The following ENOX1 variants were observed in gnomAD, a reference collection of about 807,000 sequenced individuals.
ENOX1 encodes candidate growth-related and time keeping constitutive hydroquinone (NADH) oxidase.
Under a neutral mutation model 82.5 loss-of-function variants are expected in ENOX1, and 42 were observed. The observed-to-expected ratio is 0.51, with a 90% CI of 0.40 to 0.66. ENOX1 has a LOEUF of 0.66. ENOX1 is among the 30% of genes least tolerant of loss of function. The pLI, the probability that ENOX1 is intolerant of heterozygous loss-of-function variation, is 0.00. For synonymous variants in ENOX1, 271 were observed against 282.2 expected (o/e 0.96, Z 0.40); for missense variants, 608 against 811.6 (o/e 0.75, Z 3.05).
intron 2 of ENOX1, among the ~76,000 whole-genome samples, chr13:43,554,097 A>C (rs2079329509): frequency 1.3e-5 from 2 of 152,184 alleles, no homozygotes; most frequent in Admixed American, 6.5e-5. Flanking sequence ...ACTTGGGGAA[A>C]ACATAAATAA....
intron 2 of ENOX1, among the ~76,000 whole-genome samples, chr13:43,505,612 T>C (rs899114192): frequency 3.9e-5 from 6 of 151,948 alleles, no homozygotes; most frequent in Admixed American, 6.6e-5. Flanking sequence ...GTTTTTTTCT[T>C]GTAAATTTGT....
intron 1 of ENOX1, among the ~76,000 whole-genome samples, chr13:43,749,157 T>A (rs1403637637): frequency 6.6e-6 from 1 of 152,114 alleles, no homozygotes; most frequent in Non-Finnish European, 1.5e-5. Context: ...TACACAGGAG[T>A]CTTTCTTCCT....
chr13:43,566,777 T>TA, intron 2 of ENOX1, among the ~76,000 whole-genome samples: 1 of 152,096 alleles, frequency 6.6e-6, no homozygotes, highest in South Asian at 2.1e-4. Flanking sequence ...TCGAAAAATT[T>TA]AATAATTTAC....
At chr13:43,492,320 G>A (rs1396468186) in intron 2 of ENOX1, among the ~76,000 whole-genome samples, 1 of 152,168 alleles carries the variant, frequency 6.6e-6, no homozygotes, top group Non-Finnish European at 1.5e-5. Context: ...TGCTTTGACT[G>A]AAGCCTTGTG....
At chr13:43,536,540 A>C (rs1008345273) in intron 2 of ENOX1, among the ~76,000 whole-genome samples, 21 of 123,312 alleles carry the variant, frequency 1.7e-4, no homozygotes, top group Admixed American at 5.7e-4. Flanking sequence ...TTTAGGAAGC[A>C]GGGAGTTTCA....
intron 5 of ENOX1, among the ~76,000 whole-genome samples, chr13:43,362,000 CAA>C (rs2153560714): frequency 6.8e-6 from 1 of 146,004 alleles, no homozygotes; most frequent in African/African-American, 2.5e-5. Context: ...AAAAGCAAAA[CAA>C]AGAGTGATTA....
At chr13:43,590,281 A>G (rs1299883983) in intron 2 of ENOX1, among the ~76,000 whole-genome samples, 2 of 151,800 alleles carry the variant, frequency 1.3e-5, no homozygotes, top group African/African-American at 4.9e-5. Flanking sequence ...AAAGACTTGA[A>G]GGAGCAACCC....
chr13:43,473,261 A>G (rs1334213019), intron 3 of ENOX1, among the ~76,000 whole-genome samples: 1 of 152,224 alleles, frequency 6.6e-6, no homozygotes, highest in Non-Finnish European at 1.5e-5. Context: ...CTAAGAAACT[A>G]TGACTAATGG....
intron 1 of ENOX1, among the ~76,000 whole-genome samples, chr13:43,718,676 C>CAAAAAAAAAA (rs61671392): frequency 4.3e-4 from 24 of 55,588 alleles, no homozygotes; most frequent in African/African-American, 1.2e-3. Flanking sequence ...GACTCCGTCT[C>CAAAAAAAAAA]AAAAAAAAAA....
chr13:43,664,055 AT>A (rs2084859432), intron 2 of ENOX1, among the ~76,000 whole-genome samples: 1 of 152,216 alleles, frequency 6.6e-6, no homozygotes, highest in South Asian at 2.1e-4. Flanking sequence ...TTTCTGAAAA[AT>A]GTTGATAGAA....
At position 43,224,097 on chromosome 13, in the gene ENOX1, T is replaced by A; in HGVS notation, c.1756A>T (p.Asn586Tyr). The change falls in exon 16 of 17, where the codon AAC becomes TAC. Residue 586 changes from asparagine to tyrosine, a missense_variant. By Grantham distance (143) the Asn-to-Tyr change is moderately radical. Transcript: ENST00000690772. ...ATGTATGACCAAAGATATTCTATGT[T>A]GGCTCCAAAAGGATGGACGTGAAGA... ...TFLHVHPFGA[N>Y]IEYLWSYMQQ... 2 of 1,614,096 alleles carry A rather than the reference T, an allele frequency of 1.2e-6. No individual in the cohort carries two copies. The highest frequency in any genetic ancestry group is 1.7e-6 in the Non-Finnish European group (2 of 1,179,938).
chr13:43,562,358 C>A (rs112720330), intron 2 of ENOX1, among the ~76,000 whole-genome samples: 1 of 151,584 alleles, frequency 6.6e-6, no homozygotes, highest in Non-Finnish European at 1.5e-5. Flanking sequence ...ACATGGTAAC[C>A]TCAAATAAAA....
intron 5 of ENOX1, among the ~76,000 whole-genome samples, chr13:43,373,916 A>G (rs776153171): frequency 1.3e-5 from 2 of 152,232 alleles, no homozygotes; most frequent in Non-Finnish European, 2.9e-5. Flanking sequence ...ACTTGTTTGG[A>G]TAATGTTTTT....
At chr13:43,351,946 T>C (rs1165319382) in intron 8 of ENOX1, among the ~76,000 whole-genome samples, 3 of 152,226 alleles carry the variant, frequency 2.0e-5, no homozygotes, top group African/African-American at 4.8e-5. Context: ...AGGAAATAAT[T>C]TGCAAACAGG....
intron 10 of ENOX1, among the ~76,000 whole-genome samples, chr13:43,323,522 T>C (rs1174702027): frequency 6.6e-6 from 1 of 152,248 alleles, no homozygotes; most frequent in African/African-American, 2.4e-5. Flanking sequence ...CTGAACATTG[T>C]AATACTTATG....
chr13:43,679,095 T>C (rs1277263229), intron 1 of ENOX1, among the ~76,000 whole-genome samples: 1 of 152,176 alleles, frequency 6.6e-6, no homozygotes, highest in Admixed American at 6.6e-5. Flanking sequence ...AAATATACTA[T>C]ACCCTCAACC....
chr13:43,541,770 C>T (rs902177475), intron 2 of ENOX1, among the ~76,000 whole-genome samples: 6 of 152,184 alleles, frequency 3.9e-5, no homozygotes, highest in African/African-American at 9.6e-5. Flanking sequence ...TATTATACAA[C>T]CATCATGTTT....
intron 3 of ENOX1, among the ~76,000 whole-genome samples, chr13:43,452,254 A>G (rs529105114): frequency 2.6e-5 from 4 of 152,144 alleles, no homozygotes; most frequent in African/African-American, 9.6e-5. Flanking sequence ...TATTTCTCCT[A>G]ATGCTATCCC....
intron 13 of ENOX1, among the ~76,000 whole-genome samples, chr13:43,266,642 T>C (rs2044386688): frequency 6.6e-6 from 1 of 152,122 alleles, no homozygotes; most frequent in Non-Finnish European, 1.5e-5. Context: ...CAGGGGAGCA[T>C]GGGCGATGTA....
Sources: allele counts gnomAD v4.1 joint callset (sites outside exome capture counted in the v4.1 genomes callset), GRCh38; gene constraint gnomAD v4.1.1; transcripts MANE v1.5; gene names NCBI Gene and HGNC (gene_info 2026-07-23, HGNC 2026-07-21).